Variants in CLASP2 observed in about 807,000 individuals in gnomAD.
CLASP2 encodes the protein cytoplasmic linker associated protein 2.
CLASP2 carries 47 observed loss-of-function variants against 194.4 expected under a neutral mutation model. The observed-to-expected ratio is 0.24, with a 90% CI of 0.19 to 0.31. The LOEUF (loss-of-function observed/expected upper bound fraction) is 0.31, where lower values mean the gene tolerates loss of function less well. CLASP2 is among the 10% of genes least tolerant of loss of function. The probability of loss-of-function intolerance (pLI) is 1.00; values close to 1 mark genes in which losing one functional copy is unlikely to be tolerated. For missense variants in CLASP2, 1,445 were observed against 1,823.6 expected (o/e 0.79, Z 3.78); for synonymous variants, 619 against 633.5 (o/e 0.98, Z 0.34).
intron 28 of CLASP2, among the ~76,000 whole-genome samples, chr3:33,560,386 G>A (rs185673113): frequency 2.0e-5 from 3 of 152,040 alleles, no homozygotes; most frequent in East Asian, 1.9e-4. Flanking sequence ...GAGATTACAG[G>A]TGCCTGCCAC....
At chr3:33,606,451 C>T in intron 16 of CLASP2, 140 bp downstream of exon 16, 1 of 588,708 alleles carries the variant, frequency 1.7e-6, no homozygotes, top group Non-Finnish European at 2.9e-6. Context: ...AACAGTAGAC[C>T]AAAATAAATA....
chr3:33,557,240 C>G (rs934852563), intron 29 of CLASP2, among the ~76,000 whole-genome samples: 1 of 152,212 alleles, frequency 6.6e-6, no homozygotes, highest in African/African-American at 2.4e-5. Context: ...TCCCAAAGTG[C>G]TGGGATTACA....
chr3:33,660,311 A>C (rs1447049219), intron 7 of CLASP2, among the ~76,000 whole-genome samples: 1 of 152,198 alleles, frequency 6.6e-6, no homozygotes, highest in Admixed American at 6.5e-5. Flanking sequence ...ACGATCTGAC[A>C]GATTTTAAAT....
intron 12 of CLASP2, among the ~76,000 whole-genome samples, chr3:33,617,951 ATTTT>A (rs34651802): frequency 8.6e-6 from 1 of 116,556 alleles, no homozygotes; most frequent in Non-Finnish European, 1.9e-5. Context: ...ATATATATAT[ATTTT>A]TTTTTTTTTT....
intron 25 of CLASP2, among the ~76,000 whole-genome samples, chr3:33,571,144 G>C (rs2063682099): frequency 6.6e-6 from 1 of 151,416 alleles, no homozygotes; most frequent in African/African-American, 2.4e-5. Context: ...CTCCCGAGTA[G>C]CTGGGAGTAC....
At chr3:33,701,239 C>T (rs1418712730) in intron 1 of CLASP2, among the ~76,000 whole-genome samples, 1 of 152,106 alleles carries the variant, frequency 6.6e-6, no homozygotes, top group Non-Finnish European at 1.5e-5. Context: ...TTAGAATACT[C>T]ATATCAATAT....
intron 1 of CLASP2, among the ~76,000 whole-genome samples, chr3:33,710,863 A>G (rs2092969026): frequency 3.3e-5 from 5 of 152,136 alleles, no homozygotes; most frequent in Admixed American, 3.3e-4. Flanking sequence ...TGAACCCGGG[A>G]GGCGGATGTT....
At chr3:33,679,083 C>T (rs1277084489) in intron 6 of CLASP2, among the ~76,000 whole-genome samples, 1 of 152,068 alleles carries the variant, frequency 6.6e-6, no homozygotes. Context: ...AAGAGAACCA[C>T]ATAAATATGA....
intron 34 of CLASP2, among the ~76,000 whole-genome samples, chr3:33,523,067 C>T (rs1159125590): frequency 6.6e-6 from 1 of 152,116 alleles, no homozygotes. Context: ...CAGAGAGAGA[C>T]TCCATCTCAA....
At chr3:33,600,076 T>C (rs2071610386) in intron 18 of CLASP2, among the ~76,000 whole-genome samples, 2 of 151,962 alleles carry the variant, frequency 1.3e-5, no homozygotes, top group South Asian at 2.1e-4. Flanking sequence ...TTTGCTCATA[T>C]ATATATTTTT....
intron 11 of CLASP2, 68 bp from the exon 12 acceptor site, chr3:33,619,806 T>A (rs2076826408): frequency 8.0e-7 from 1 of 1,246,154 alleles, no homozygotes; most frequent in Admixed American, 3.2e-5. Flanking sequence ...CATATAATTT[T>A]AAAATACTCT....
chr3:33,717,717 G>A, intron 1 of CLASP2, 91 bp downstream of exon 1: 1 of 1,388,036 alleles, frequency 7.2e-7, no homozygotes, highest in Non-Finnish European at 9.9e-7. Context: ...CAGTGGTTCG[G>A]ACGGGAGCTT....
intron 8 of CLASP2, among the ~76,000 whole-genome samples, chr3:33,642,030 C>T (rs910856377): frequency 7.2e-5 from 11 of 151,858 alleles, no homozygotes; most frequent in Admixed American, 5.2e-4. Flanking sequence ...TATCTGAAAG[C>T]ATGTTGACAA....
chr3:33,635,031 T>C (rs2079858828), intron 8 of CLASP2, among the ~76,000 whole-genome samples: 1 of 151,868 alleles, frequency 6.6e-6, no homozygotes, highest in Non-Finnish European at 1.5e-5. Context: ...CCAGACAGAC[T>C]GCCTGAGCTC....
intron 32 of CLASP2, among the ~76,000 whole-genome samples, chr3:33,542,625 A>G (rs1191479877): frequency 1.3e-5 from 2 of 148,568 alleles, no homozygotes; most frequent in Non-Finnish European, 3.0e-5. Context: ...GACATGTTAT[A>G]TATGTAATTC....
At chr3:33,516,240 T>G in intron 35 of CLASP2, 89 bp from the exon 36 acceptor site, 2 of 1,258,246 alleles carry the variant, frequency 1.6e-6, no homozygotes, top group Non-Finnish European at 1.1e-6. Flanking sequence ...GGTCTTAATA[T>G]TGGGGGAGGA....
chr3:33,664,594 A>T (rs1264466988), intron 6 of CLASP2, among the ~76,000 whole-genome samples: 1 of 152,216 alleles, frequency 6.6e-6, no homozygotes, highest in Non-Finnish European at 1.5e-5. Context: ...ATTCATTATA[A>T]TAGGATTTCT....
chr3:33,713,011 T>TCA (rs1408235054), intron 1 of CLASP2, among the ~76,000 whole-genome samples: 2 of 22,468 alleles, frequency 8.9e-5, no homozygotes, highest in African/African-American at 4.3e-4. Flanking sequence ...AAACTCCACC[T>TCA]CAAAAAAAAA....
At chr3:33,715,848 A>T (rs909898259) in intron 1 of CLASP2, among the ~76,000 whole-genome samples, 7 of 5,448 alleles carry the variant, frequency 1.3e-3, no homozygotes, top group East Asian at 5.8e-3. Context: ...TATCTTAAGT[A>T]AAAAAAAAAA....
Sources: allele counts gnomAD v4.1 joint callset (sites outside exome capture counted in the v4.1 genomes callset), GRCh38; gene constraint gnomAD v4.1.1; transcripts MANE v1.5; gene names NCBI Gene and HGNC (gene_info 2026-07-23, HGNC 2026-07-21).